The following RGS22 variants were observed in gnomAD, a reference collection of about 807,000 sequenced individuals.
RGS22 encodes the protein regulator of G protein signaling 22, also known as regulator of G-protein signaling 22.
RGS22 carries 148 observed loss-of-function variants against 172.9 expected under a neutral mutation model. That is an observed-to-expected ratio of 0.86 (90% CI 0.75 to 0.98). RGS22 has a LOEUF of 0.98. Ranked by LOEUF, RGS22 falls within the 50% of genes least tolerant of loss-of-function variation. The pLI is 0.00. For synonymous variants in RGS22, 458 were observed against 480.2 expected (o/e 0.95, Z 0.60); for missense variants, 1,347 against 1,440.8 (o/e 0.93, Z 1.05).
intron 2 of RGS22, among the ~76,000 whole-genome samples, chr8:100,102,281 C>T (rs1328987500): frequency 6.6e-6 from 1 of 152,152 alleles, no homozygotes; most frequent in African/African-American, 2.4e-5. Flanking sequence ...ATCGTATTGG[C>T]CAGAATTTGG....
chr8:100,035,479 T>C (rs1338055092), intron 14 of RGS22, among the ~76,000 whole-genome samples: 7 of 152,194 alleles, frequency 4.6e-5, no homozygotes, highest in Admixed American at 4.6e-4. Flanking sequence ...GGAGAGGATG[T>C]GGAGAAATAG....
chr8:100,079,219 A>G (rs1349044156), intron 4 of RGS22, among the ~76,000 whole-genome samples: 1 of 152,216 alleles, frequency 6.6e-6, no homozygotes, highest in Non-Finnish European at 1.5e-5. Context: ...TAAACTAACA[A>G]TTATATAGTA....
chr8:100,079,504 A>G, intron 4 of RGS22, among the ~76,000 whole-genome samples: 1 of 152,224 alleles, frequency 6.6e-6, no homozygotes, highest in Non-Finnish European at 1.5e-5. Context: ...TTTTGAATCA[A>G]TGTGAAATAG....
intron 21 of RGS22, among the ~76,000 whole-genome samples, chr8:99,982,385 T>A (rs1368348335): frequency 1.3e-5 from 2 of 152,214 alleles, no homozygotes; most frequent in Non-Finnish European, 2.9e-5. Context: ...ATGACATTAG[T>A]ATCTACTTTG....
chr8:99,998,101 T>C (rs987812092), intron 19 of RGS22, among the ~76,000 whole-genome samples: 22 of 152,232 alleles, frequency 1.4e-4, no homozygotes, highest in African/African-American at 3.1e-4. Context: ...TATTTTTCCA[T>C]AGTACAGAAT....
chr8:100,091,955 A>C (rs1191322516), intron 3 of RGS22: 5 of 152,218 alleles, frequency 3.3e-5, no homozygotes, highest in African/African-American at 1.2e-4. Context: ...TTGGTGTGTC[A>C]ATCTAATTTC....
At chr8:100,002,514 C>A in intron 17 of RGS22, 150 bp from the exon 18 acceptor site, 2 of 643,862 alleles carry the variant, frequency 3.1e-6, no homozygotes, top group South Asian at 2.3e-5. Flanking sequence ...AATATTGTAT[C>A]TCTGATCCCT....
At chr8:100,059,612 C>A (rs751546572) in intron 9 of RGS22, among the ~76,000 whole-genome samples, 20 of 152,020 alleles carry the variant, frequency 1.3e-4, no homozygotes, top group Non-Finnish European at 2.6e-4. Flanking sequence ...TATATATGTA[C>A]CCAACACTGG....
intron 9 of RGS22, among the ~76,000 whole-genome samples, chr8:100,058,779 T>C (rs1168729630): frequency 6.6e-6 from 1 of 152,088 alleles, no homozygotes; most frequent in Non-Finnish European, 1.5e-5. Context: ...AAAAGAATGT[T>C]AATGAGCAAT....
intron 23 of RGS22, among the ~76,000 whole-genome samples, chr8:99,972,587 C>T (rs1184787293): frequency 3.9e-5 from 6 of 152,224 alleles, no homozygotes; most frequent in Admixed American, 2.0e-4. Flanking sequence ...AAAAAGTGGG[C>T]AAAGGATATG....
intron 4 of RGS22, among the ~76,000 whole-genome samples, chr8:100,077,216 T>C (rs1811421964): frequency 6.6e-6 from 1 of 152,172 alleles, no homozygotes; most frequent in Non-Finnish European, 1.5e-5. Context: ...GGCTTTATTT[T>C]CATGGATTTT....
At chr8:100,014,490 C>T (rs1406256449) in intron 14 of RGS22, among the ~76,000 whole-genome samples, 1 of 152,206 alleles carries the variant, frequency 6.6e-6, no homozygotes, top group Non-Finnish European at 1.5e-5. Context: ...CTAAAAACCA[C>T]ATAATCGCCA....
chr8:100,105,795 G>C (rs558534681), intron 1 of RGS22, 102 bp downstream of exon 1: 3 of 1,033,096 alleles, frequency 2.9e-6, no homozygotes, highest in South Asian at 3.2e-5. Flanking sequence ...TCTGGGAGCG[G>C]GGATACCGCT....
intron 14 of RGS22, among the ~76,000 whole-genome samples, chr8:100,013,447 TTC>T (rs372424793): frequency 8.5e-5 from 13 of 152,258 alleles, no homozygotes; most frequent in African/African-American, 2.4e-4. Flanking sequence ...CCTTTACTCT[TTC>T]TGTTTTAAGA....
At chr8:100,038,295 G>T (rs77382871) in intron 14 of RGS22, among the ~76,000 whole-genome samples, 648 of 151,392 alleles carry the variant, frequency 4.3e-3, no homozygotes, top group Non-Finnish European at 6.4e-3. Flanking sequence ...AGGCTATTCT[G>T]TCTCCTTTTA....
At chr8:100,088,519 A>T (rs2131963144) in intron 3 of RGS22, among the ~76,000 whole-genome samples, 1 of 152,242 alleles carries the variant, frequency 6.6e-6, no homozygotes. Context: ...TTGACAGCAA[A>T]AAACCTCCCA....
intron 1 of RGS22, chr8:100,105,625 G>A (rs2132087169): frequency 1.7e-6 from 1 of 598,550 alleles, no homozygotes; most frequent in Admixed American, 3.2e-5. Context: ...CTAATTCACT[G>A]TGACCCAGGA....
rs1563672532 is a variant in RGS22 at position 100,052,074 on chromosome 8, AATGTTTATATATATTTATATATTT to A, written c.1689+704_1689+727del. Among the ~76,000 whole-genome samples, 310 of 98,682 alleles carry A rather than the reference AATGTTTATATATATTTATATATTT, an allele frequency of 3.1e-3. 1 individual carries two copies. The highest frequency in any genetic ancestry group is 4.2e-3 in the Admixed American group (28 of 6,646). The allele number at this position is 98,682 out of a possible 152,430, so 64.7% of individuals were successfully genotyped here. On this transcript the variant is annotated intron_variant, in intron 10 of 27. Transcript: ENST00000360863. ...ATATATATTTATATATTTATATATA[AATGTTTATATATATTTATATATTT>A]ATATATAAATGTTTATATATATTTA...
At chr8:99,964,433 G>A (rs113667550) in intron 24 of RGS22, among the ~76,000 whole-genome samples, 5 of 141,418 alleles carry the variant, frequency 3.5e-5, no homozygotes, top group South Asian at 2.3e-4. Flanking sequence ...AAGAGTTATC[G>A]TACCAGTGCA....
Sources: gnomAD v4.1 joint callset for allele counts (sites outside exome capture counted in the v4.1 genomes callset) on GRCh38, gnomAD v4.1.1 for gene constraint, MANE v1.5 for transcripts, NCBI Gene and HGNC (gene_info 2026-07-23, HGNC 2026-07-21) for gene names.